KCND2: variants seen among roughly 807,000 people sequenced by gnomAD.
The protein encoded by KCND2 is potassium voltage-gated channel subfamily D member 2, also known as A-type voltage-gated potassium channel KCND2.
Under a neutral mutation model 54.4 loss-of-function variants are expected in KCND2, and 16 were observed. That is an observed-to-expected ratio of 0.29 (90% confidence interval 0.20 to 0.45). The LOEUF is 0.45. Ranked by LOEUF, KCND2 falls within the 20% of genes least tolerant of loss-of-function variation. The probability of loss-of-function intolerance (pLI) is 1.00; values close to 1 mark genes in which losing one functional copy is unlikely to be tolerated. For missense variants in KCND2, 486 were observed against 824.2 expected (o/e 0.59, Z 5.02); for synonymous variants, 317 against 310.7 (o/e 1.02, Z -0.21).
chr7:120,297,566 A>T (rs1799529937), intron 1 of KCND2, among the ~76,000 whole-genome samples: 1 of 152,132 alleles, frequency 6.6e-6, no homozygotes, highest in African/African-American at 2.4e-5. Flanking sequence ...CTCTGAGCAG[A>T]TACCCAGAGT....
chr7:120,329,291 T>A (rs1800028638), intron 1 of KCND2, among the ~76,000 whole-genome samples: 1 of 151,900 alleles, frequency 6.6e-6, no homozygotes, highest in Non-Finnish European at 1.5e-5. Context: ...CCAGCTAATT[T>A]TTTGTATTTT....
At chr7:120,465,564 C>T (rs549919990) in intron 1 of KCND2, among the ~76,000 whole-genome samples, 5 of 152,010 alleles carry the variant, frequency 3.3e-5, no homozygotes, top group South Asian at 4.2e-4. Context: ...AAGTGGCAAA[C>T]GCAAGAAGAG....
chr7:120,630,565 G>A (rs976976850), intron 1 of KCND2, among the ~76,000 whole-genome samples: 1 of 151,986 alleles, frequency 6.6e-6, no homozygotes, highest in Non-Finnish European at 1.5e-5. Flanking sequence ...TTAAATAAAG[G>A]AATTGTGGGG....
chr7:120,490,364 T>C (rs532368345), intron 1 of KCND2, among the ~76,000 whole-genome samples: 1 of 152,204 alleles, frequency 6.6e-6, no homozygotes, highest in African/African-American at 2.4e-5. Context: ...CACTGTTTTG[T>C]GATCCCAGTA....
chr7:120,490,800 G>T (rs1451005225), intron 1 of KCND2, among the ~76,000 whole-genome samples: 2 of 137,546 alleles, frequency 1.5e-5, no homozygotes, highest in Non-Finnish European at 1.5e-5. Context: ...CATATGGATA[G>T]CTCAAGAAAT....
In KCND2 at chr7:120,275,397, C is replaced by T. The variant is rs748088278; in HGVS notation, c.765C>T (p.Tyr255=). 9.3e-6 allele frequency: 15 copies of T among 1,613,686 alleles called. No individual in the cohort carries two copies. In the Admixed American group the frequency reaches 2.0e-4, roughly 22 times the overall value. The change falls in exon 1 of 6, where the codon TAC becomes TAT. Residue 255 remains tyrosine, a synonymous_variant. Transcript: ENST00000331113. ...GCCTGGCTGCAGCGCCTAGTCGTTACCGTTTTGTGCGTAGTGTCATGAGTA... is the reference window on the plus strand; with the variant it reads ...GCCTGGCTGCAGCGCCTAGTCGTTATCGTTTTGTGCGTAGTGTCATGAGTA... ...LLRLAAAPSR[Y]RFVRSVMSII...
At chr7:120,676,527 C>T (rs2116580716) in intron 1 of KCND2, among the ~76,000 whole-genome samples, 1 of 152,188 alleles carries the variant, frequency 6.6e-6, no homozygotes, top group East Asian at 1.9e-4. Context: ...GTATTTTCTT[C>T]CTCTGGCTCA....
chr7:120,277,971 CTT>C (rs1044357645), intron 1 of KCND2, among the ~76,000 whole-genome samples: 8 of 151,900 alleles, frequency 5.3e-5, no homozygotes, highest in Non-Finnish European at 1.0e-4. Context: ...ACTTTAAAGA[CTT>C]AGCTTCACTG....
At chr7:120,633,256 CTTG>C (rs773869626) in intron 1 of KCND2, among the ~76,000 whole-genome samples, 7 of 152,152 alleles carry the variant, frequency 4.6e-5, no homozygotes, top group Non-Finnish European at 4.4e-5. Context: ...AACAATGCCA[CTTG>C]TTGTAAAATT....
At chr7:120,499,829 TG>T (rs890072719) in intron 1 of KCND2, among the ~76,000 whole-genome samples, 32 of 152,246 alleles carry the variant, frequency 2.1e-4, no homozygotes, top group African/African-American at 3.6e-4. Context: ...AGCACAAAAA[TG>T]TTTTTTTGTT....
chr7:120,312,125 T>C (rs1438227214), intron 1 of KCND2, among the ~76,000 whole-genome samples: 1 of 152,146 alleles, frequency 6.6e-6, no homozygotes, highest in East Asian at 1.9e-4. Flanking sequence ...CAGCCTGGTC[T>C]CAAACTCCTG....
intron 1 of KCND2, among the ~76,000 whole-genome samples, chr7:120,393,283 C>T (rs1220689107): frequency 6.6e-6 from 1 of 151,948 alleles, no homozygotes; most frequent in African/African-American, 2.4e-5. Context: ...ATAAATCGTA[C>T]CAATATGTAT....
At chr7:120,630,154 A>C (rs1793215508) in intron 1 of KCND2, among the ~76,000 whole-genome samples, 1 of 152,206 alleles carries the variant, frequency 6.6e-6, no homozygotes, top group Admixed American at 6.5e-5. Context: ...CTCAAAAGAC[A>C]GTGTAGATAA....
At position 120,341,119 on chromosome 7, in the gene KCND2, C is replaced by T. The variant is rs144379198; in HGVS notation, c.1115+65372C>T. 6.3e-3 allele frequency among the ~76,000 whole-genome samples: 952 copies of T among 152,134 alleles called. 12 individuals are homozygous for T. Among genetic ancestry groups the T allele is most frequent in the African/African-American group, 0.022 (915 of 41,496 alleles). ...TTTGGTTGTGGGTACATATATGAGG[C>T]TGTGAGACTTTCTGAAGCTTCTCCC... On this transcript the variant is annotated intron_variant, in intron 1 of 5. Coordinates refer to ENST00000331113, the MANE Select transcript of KCND2 (RefSeq NM_012281.3).
At chr7:120,523,701 A>G (rs1179049970) in intron 1 of KCND2, among the ~76,000 whole-genome samples, 1 of 106,208 alleles carries the variant, frequency 9.4e-6, no homozygotes, top group African/African-American at 4.8e-5. Flanking sequence ...ACACACACAC[A>G]CTCTGTGTGT....
intron 1 of KCND2, among the ~76,000 whole-genome samples, chr7:120,517,497 G>T (rs1328544457): frequency 6.6e-6 from 1 of 152,070 alleles, no homozygotes; most frequent in East Asian, 1.9e-4. Context: ...TGGTGAAAAA[G>T]TATAGGATTT....
Position 120,474,907 on chromosome 7 carries a change from G to A in KCND2, c.1115+199160G>A, listed in dbSNP as rs116320820. Among the ~76,000 whole-genome samples the A allele has an allele frequency of 6.8e-3, 1,029 of 152,054 alleles. 9 individuals are homozygous for A. Among genetic ancestry groups the A allele is most frequent in the African/African-American group, 0.023 (953 of 41,476 alleles). ...TCAATTTTTTTTTTAAAGAGATGGA[G>A]TCTTGCTATGTTGCCTCCGAACTCC... On this transcript the variant is annotated intron_variant, in intron 1 of 5. Coordinates refer to ENST00000331113, the MANE Select transcript of KCND2 (RefSeq NM_012281.3).
At chr7:120,545,380 TTGAGTGTTAAAGTA>T (rs1792030950) in intron 1 of KCND2, among the ~76,000 whole-genome samples, 2 of 151,890 alleles carry the variant, frequency 1.3e-5, no homozygotes, top group African/African-American at 2.4e-5. Flanking sequence ...ATGGAGTTAT[TTGAGTGTTAAAGTA>T]TGCCTTATTC....
intron 1 of KCND2, among the ~76,000 whole-genome samples, chr7:120,502,902 A>G (rs940466296): frequency 7.2e-5 from 11 of 152,032 alleles, no homozygotes; most frequent in Non-Finnish European, 1.5e-4. Context: ...CTCACAGCAC[A>G]ATTCTGTCCA....
Sources: allele counts gnomAD v4.1 joint callset (sites outside exome capture counted in the v4.1 genomes callset), GRCh38; gene constraint gnomAD v4.1.1; transcripts MANE v1.5; gene names NCBI Gene and HGNC (gene_info 2026-07-23, HGNC 2026-07-21).